SNX5: variants seen among roughly 807,000 people sequenced by gnomAD.
SNX5 encodes sorting nexin 5.
In SNX5, 31 loss-of-function variants were observed where a neutral mutation model predicts 53.9. The ratio of observed to expected loss-of-function variants is 0.58; its 90% CI spans 0.43 to 0.78. SNX5 has a LOEUF of 0.78. Ranked by LOEUF, SNX5 falls within the 30% of genes least tolerant of loss-of-function variation. The pLI, the probability that SNX5 is intolerant of heterozygous loss-of-function variation, is 0.00. For missense variants in SNX5, 471 were observed against 478.8 expected (o/e 0.98, Z 0.15); for synonymous variants, 168 against 171.1 (o/e 0.98, Z 0.14).
intron 12 of SNX5, 199 bp downstream of exon 12, chr20:17,942,911 A>AG (rs202109192): frequency 0.013 from 5,929 of 457,954 alleles, 42 homozygotes; most frequent in Middle Eastern, 0.025. Flanking sequence ...AAAAAAAAAA[A>AG]AGTTGCTAAA....
At chr20:17,951,905 T>A (rs1375832986) in intron 5 of SNX5, among the ~76,000 whole-genome samples, 1 of 152,102 alleles carries the variant, frequency 6.6e-6, no homozygotes, top group Non-Finnish European at 1.5e-5. Context: ...AACCAAAACA[T>A]GTTAAAAAGA....
chr20:17,954,511 G>A (rs971296180), intron 3 of SNX5, among the ~76,000 whole-genome samples: 1 of 152,144 alleles, frequency 6.6e-6, no homozygotes, highest in African/African-American at 2.4e-5. Context: ...GGATAATCAA[G>A]GACTCTAATT....
Position 17,950,181 on chromosome 20 carries a change from C to T in SNX5, c.742G>A (p.Ala248Thr), listed in dbSNP as rs756281625. 11 of 1,614,110 alleles carry T rather than the reference C, an allele frequency of 6.8e-6. No individual in the cohort carries two copies. The highest frequency in any genetic ancestry group is 1.7e-5 in the Admixed American group (1 of 60,020). Residue 248 changes from alanine (A) to threonine (T), a missense_variant, in exon 8 of 13, where the codon GCA becomes ACA. Coordinates refer to ENST00000377759, the MANE Select transcript of SNX5 (RefSeq NM_014426.4). ...KNVADDYIHT[A>T]ACLHSLALEE... Reference sequence around the variant, plus strand: ...AAAGCCAGGCTATGTAAGCAGGCTGCGGTGTGGATATAGTCATCGGCAACA... The same window carrying T: ...AAAGCCAGGCTATGTAAGCAGGCTGTGGTGTGGATATAGTCATCGGCAACA...
intron 11 of SNX5, 178 bp from the exon 12 acceptor site, chr20:17,943,373 G>A: frequency 1.7e-6 from 1 of 580,772 alleles, no homozygotes; most frequent in Non-Finnish European, 3.1e-6. Flanking sequence ...TAACTGTGGT[G>A]ATACAGCTAT....
intron 10 of SNX5, 143 bp from the exon 11 acceptor site, chr20:17,947,788 A>G: frequency 1.5e-6 from 1 of 669,528 alleles, no homozygotes; most frequent in Non-Finnish European, 2.3e-6. Flanking sequence ...TTAAATCTCC[A>G]GCTTCGCAGG....
chr20:17,968,316 A>G, intron 1 of SNX5, 59 bp downstream of exon 1: 10 of 1,217,890 alleles, frequency 8.2e-6, no homozygotes, highest in Non-Finnish European at 1.0e-5. Context: ...GAAAGAATGC[A>G]GCGACCCCGG....
chr20:17,966,002 C>T (rs2035530928), intron 1 of SNX5, among the ~76,000 whole-genome samples: 1 of 152,126 alleles, frequency 6.6e-6, no homozygotes, highest in South Asian at 2.1e-4. Context: ...AGCTTCCACA[C>T]CAGTTAAACA....
chr20:17,957,110 A>C, intron 1 of SNX5, 73 bp from the exon 2 acceptor site: 1 of 890,778 alleles, frequency 1.1e-6, no homozygotes, highest in Non-Finnish European at 1.9e-6. Context: ...ATGAGTAGTT[A>C]CTAAAAAGCA....
At chr20:17,958,511 CA>C (rs1273919920) in intron 1 of SNX5, among the ~76,000 whole-genome samples, 2 of 152,062 alleles carry the variant, frequency 1.3e-5, no homozygotes, top group Non-Finnish European at 2.9e-5. Context: ...GGCTTTCCTC[CA>C]AAAAATTAAG....
At chr20:17,953,189 G>T (rs541999047) in intron 4 of SNX5, among the ~76,000 whole-genome samples, 1 of 152,118 alleles carries the variant, frequency 6.6e-6, no homozygotes, top group Non-Finnish European at 1.5e-5. Flanking sequence ...CCCAGAGCTG[G>T]TCCCGAGAGC....
At chr20:17,955,216 C>G (rs747378052) in intron 3 of SNX5, 149 bp downstream of exon 3, 23 of 607,292 alleles carry the variant, frequency 3.8e-5, no homozygotes, top group Non-Finnish European at 6.5e-5. Context: ...CCTTCACATA[C>G]TTTCCACTTG....
At chr20:17,967,379 T>C (rs954229526) in intron 1 of SNX5, among the ~76,000 whole-genome samples, 2 of 152,062 alleles carry the variant, frequency 1.3e-5, no homozygotes, top group African/African-American at 2.4e-5. Context: ...CCCTCCTGTA[T>C]AGAAAGCTCT....
At chr20:17,942,461 C>T in intron 12 of SNX5, 54 bp from the exon 13 acceptor site, 3 of 1,318,918 alleles carry the variant, frequency 2.3e-6, no homozygotes, top group Non-Finnish European at 3.3e-6. Context: ...TTGCCATATA[C>T]CTGGAATGAC....
chr20:17,963,361 G>A (rs181515094), intron 1 of SNX5, among the ~76,000 whole-genome samples: 3 of 152,172 alleles, frequency 2.0e-5, no homozygotes, highest in Non-Finnish European at 4.4e-5. Context: ...AACACTCTGG[G>A]AGGCTGAGGT....
At chr20:17,958,435 G>A (rs2035398211) in intron 1 of SNX5, among the ~76,000 whole-genome samples, 1 of 152,162 alleles carries the variant, frequency 6.6e-6, no homozygotes, top group Admixed American at 6.5e-5. Flanking sequence ...TAAGTTTCAA[G>A]TACTCCCTTT....
chr20:17,943,187 T>G lies in SNX5; in HGVS notation c.1087A>C (p.Asn363His), dbSNP rs899691950. 1 of 1,602,972 alleles carries G rather than the reference T, an allele frequency of 6.2e-7. No individual in the cohort carries two copies. The highest frequency in any genetic ancestry group is 1.1e-5 in the South Asian group (1 of 90,796). ...GCTGCCACTCTCTTCCGTTTGAAAT[T>G]TATCAGTTCTACAGGAAGAAAAAAT... The part of the protein sequence containing the change: ...LSESAKEELI[N>H]FKRKRVAAFR... Residue 363 changes from asparagine (N) to histidine (H), a missense_variant, in exon 12 of 13, where the codon AAT (asparagine) becomes CAT (histidine). Physicochemically the swap from Asn to His is moderately conservative, Grantham distance 68. Transcript: ENST00000377759.
chr20:17,948,364 C>T (rs2039514703), intron 10 of SNX5, among the ~76,000 whole-genome samples: 1 of 152,148 alleles, frequency 6.6e-6, no homozygotes, highest in South Asian at 2.1e-4. Context: ...AATAAAATTG[C>T]ATGATGGGGG....
chr20:17,946,222 C>T (rs187307146), intron 11 of SNX5, among the ~76,000 whole-genome samples: 11 of 152,276 alleles, frequency 7.2e-5, no homozygotes, highest in South Asian at 4.1e-4. Context: ...GTGTGTGCAA[C>T]GGCATATGTG....
In SNX5 at chr20:17,966,529, T is replaced by G. The variant is rs115172553; in HGVS notation, c.51+1846A>C. ...TAAAGAATGTAACAAAATGCCAGTGTCTGGCTACCAGACACGACTGACACA... is the reference window on the plus strand; with the variant it reads ...TAAAGAATGTAACAAAATGCCAGTGGCTGGCTACCAGACACGACTGACACA... On this transcript the variant is annotated intron_variant, in intron 1 of 12. Transcript: ENST00000377759. Among the ~76,000 whole-genome samples, 333 of 152,340 alleles carry G rather than the reference T, an allele frequency of 2.2e-3. 3 individuals are homozygous for G. The highest frequency in any genetic ancestry group is 7.6e-3 in the African/African-American group (318 of 41,580).
Sources: gnomAD v4.1 joint callset for allele counts (sites outside exome capture counted in the v4.1 genomes callset) on GRCh38, gnomAD v4.1.1 for gene constraint, MANE v1.5 for transcripts, NCBI Gene and HGNC (gene_info 2026-07-23, HGNC 2026-07-21) for gene names.